The following KCNG3 variants were observed in gnomAD, a reference collection of about 807,000 sequenced individuals.
KCNG3 encodes the protein voltage-gated potassium channel regulatory subunit KCNG3.
Under a neutral mutation model 29.0 loss-of-function variants are expected in KCNG3, and 15 were observed. The observed-to-expected ratio is 0.52, with a 90% CI of 0.35 to 0.80. KCNG3 has a LOEUF of 0.80. KCNG3 is among the 30% of genes least tolerant of loss of function. KCNG3 has a pLI of 0.01. For synonymous variants in KCNG3, 322 were observed against 248.9 expected, an observed-to-expected ratio of 1.29 and a Z score of -2.76; for missense variants, 512 against 605.7, an observed-to-expected ratio of 0.85 and a Z score of 1.62.
chr2:42,429,273 A>T, the KCNG3 span, among the ~76,000 whole-genome samples: 1 of 151,998 alleles, frequency 6.6e-6, no homozygotes, highest in African/African-American at 2.4e-5. Flanking sequence ...GTAGATACCA[A>T]GGTAGATGCT....
At chr2:42,488,587 T>C (rs2103741149) in intron 1 of KCNG3, among the ~76,000 whole-genome samples, 1 of 151,454 alleles carries the variant, frequency 6.6e-6, no homozygotes, top group East Asian at 1.9e-4. Flanking sequence ...TCTCACTTTA[T>C]CGCCCAGGCT....
At chr2:42,435,804 T>C in the KCNG3 span, among the ~76,000 whole-genome samples, 4 of 152,190 alleles carry the variant, frequency 2.6e-5, no homozygotes, top group African/African-American at 4.8e-5. Context: ...GGGAATCAAA[T>C]TGCTCAGCTG....
chr2:42,456,604 C>A (rs1206085455), intron 1 of KCNG3, among the ~76,000 whole-genome samples: 1 of 152,160 alleles, frequency 6.6e-6, no homozygotes, highest in East Asian at 1.9e-4. Context: ...GAGTTCAGTT[C>A]AAGCCCAACT....
At chr2:42,476,100 C>T (rs1015153282) in intron 1 of KCNG3, among the ~76,000 whole-genome samples, 7 of 152,016 alleles carry the variant, frequency 4.6e-5, no homozygotes, top group African/African-American at 1.7e-4. Context: ...CATTAAAATT[C>T]TATTGAAACT....
At chr2:42,428,841 GAGTGT>G in the KCNG3 span, among the ~76,000 whole-genome samples, 127 of 152,290 alleles carry the variant, frequency 8.3e-4, no homozygotes, top group South Asian at 1.5e-3. Context: ...GCACGACGCT[GAGTGT>G]AGTGGCTTGT....
chr2:42,469,931 C>T (rs1315467616), intron 1 of KCNG3: 1 of 325,658 alleles, frequency 3.1e-6, no homozygotes, highest in African/African-American at 2.2e-5. Context: ...GATTTACAAA[C>T]TGGCCAACAA....
At chr2:42,429,398 T>A in the KCNG3 span, among the ~76,000 whole-genome samples, 2 of 152,358 alleles carry the variant, frequency 1.3e-5, no homozygotes, top group South Asian at 2.1e-4. Context: ...CCATGGCCTC[T>A]GCCCACAGAA....
At position 42,492,630 on chromosome 2, in the gene KCNG3, G is replaced by A. The variant is rs181231093; in HGVS notation, c.665+207C>T. On this transcript the variant is annotated intron_variant, in intron 1 of 1. Transcript: ENST00000306078. ...TTCGCCCTCAAGAGGTGCGTCTAGT[G>A]TAAGGGCCAGACCCCGCTGGTGCCC... 1.1e-4 allele frequency among the ~76,000 whole-genome samples: 17 copies of A among 152,354 alleles called. No individual in the cohort carries two copies. The East Asian group carries it at 2.5e-3, about 23-fold the overall frequency.
At chr2:42,410,179 T>G in the KCNG3 span, among the ~76,000 whole-genome samples, 1 of 152,322 alleles carries the variant, frequency 6.6e-6, no homozygotes, top group Admixed American at 6.5e-5. Flanking sequence ...CATTGTTGGA[T>G]GTCTCAGATG....
At chr2:42,433,408 G>A in the KCNG3 span, among the ~76,000 whole-genome samples, 62 of 152,102 alleles carry the variant, frequency 4.1e-4, 1 homozygote, top group South Asian at 0.01. Context: ...GGGCTGAGTC[G>A]GGGAAGATCT....
intron 1 of KCNG3, among the ~76,000 whole-genome samples, chr2:42,489,083 C>T (rs1280820824): frequency 2.0e-5 from 3 of 151,444 alleles, no homozygotes; most frequent in African/African-American, 7.3e-5. Flanking sequence ...TTGCTTGAAG[C>T]CAGGAGTTCA....
At chr2:42,405,940 G>A in the KCNG3 span, among the ~76,000 whole-genome samples, 1 of 150,810 alleles carries the variant, frequency 6.6e-6, no homozygotes, top group Non-Finnish European at 1.5e-5. Flanking sequence ...ACAGGGTTTC[G>A]TCATGTTGGC....
In KCNG3 at chr2:42,464,102, T is replaced by C. The variant is rs1215718290; in HGVS notation, c.666-19523A>G. The C allele has an allele frequency of 1.4e-5, 3 of 209,712 alleles. No homozygotes were observed. The South Asian group carries it at 2.0e-4, about 14-fold the overall frequency. The allele number at this position is 209,712 out of a possible 1,614,324, so 13.0% of individuals were successfully genotyped here. Reference sequence around the variant, plus strand: ...AATGACATTTTGAAAAGCGAGGTAGTTCATTCTGATATCATTATTTGCTAT... The same window carrying C: ...AATGACATTTTGAAAAGCGAGGTAGCTCATTCTGATATCATTATTTGCTAT... On this transcript the variant is annotated intron_variant, in intron 1 of 1. Coordinates refer to ENST00000306078, the MANE Select transcript of KCNG3 (RefSeq NM_133329.6).
chr2:42,493,140 G>C lies in KCNG3; in HGVS notation c.362C>G (p.Ser121Cys), dbSNP rs751461061. The change falls in exon 1 of 2, where the codon TCC becomes TGC. Residue 121 changes from serine (S) to cysteine (C), a missense_variant. Around this residue, in one of 5 missense-constraint regions of KCNG3, gnomAD observed 228 missense variants for 200.0 expected, o/e 1.14. Coordinates refer to ENST00000306078, the MANE Select transcript of KCNG3 (RefSeq NM_133329.6). ...GGCCGAGTAGAAGGTGTAGGTGTCG[G>C]ACATGCGGTCGTCGAGGCGGCGCTG... is the stretch of plus-strand genomic sequence containing the variant. ...CCQRRLDDRM[S>C]DTYTFYSADE... is the part of the protein sequence containing the mutation. 8 of 1,605,454 alleles carry C rather than the reference G, an allele frequency of 5.0e-6. No individual in the cohort carries two copies. The highest frequency in any genetic ancestry group is 6.8e-6 in the Non-Finnish European group (8 of 1,179,166).
At chr2:42,474,876 G>A (rs1459551639) in intron 1 of KCNG3, among the ~76,000 whole-genome samples, 1 of 152,056 alleles carries the variant, frequency 6.6e-6, no homozygotes, top group Non-Finnish European at 1.5e-5. Flanking sequence ...GAAAGCAATA[G>A]GTTTGGGAGG....
the KCNG3 span, among the ~76,000 whole-genome samples, chr2:42,397,643 G>T: frequency 6.6e-6 from 1 of 152,196 alleles, no homozygotes; most frequent in African/African-American, 2.4e-5. Flanking sequence ...GCCTTTGCAT[G>T]GGATACTGAC....
In KCNG3 at chr2:42,444,345, A is replaced by C; in HGVS notation, c.900T>G (p.Ile300Met). ...VLRMMRIFWVIKLARHFIGLQ... is the reference protein window; with the variant it reads ...VLRMMRIFWVMKLARHFIGLQ... ...GACCAATGAAGTGACGGGCAAGCTT[A>C]ATCACCCAAAAAATCCTCATCATTC... Residue 300 changes from isoleucine to methionine, a missense_variant, in exon 2 of 2, where the codon ATT (isoleucine) becomes ATG (methionine). By Grantham distance (10) the Ile-to-Met change is conservative. This residue lies in a region of KCNG3 where 173 missense variants were observed against 262.4 expected (regional missense o/e 0.66). Transcript: ENST00000306078. This position sits in a 1 kb window ranked among gnomAD's most constrained non-coding sequence, Gnocchi z 5.8. 6.2e-7 allele frequency: 1 copy of C among 1,614,186 alleles called. No homozygotes were observed. Among genetic ancestry groups the C allele is most frequent in the Non-Finnish European group, 8.5e-7 (1 of 1,180,026 alleles).
chr2:42,434,755 G>A, the KCNG3 span, among the ~76,000 whole-genome samples: 1 of 149,652 alleles, frequency 6.7e-6, no homozygotes, highest in South Asian at 2.1e-4. Flanking sequence ...CTTTTGTTCT[G>A]GCATAAAAAT....
chr2:42,439,033 G>C (rs1414219678), downstream of KCNG3, among the ~76,000 whole-genome samples: 1 of 152,044 alleles, frequency 6.6e-6, no homozygotes, highest in Non-Finnish European at 1.5e-5. Flanking sequence ...TCTCAGCCTG[G>C]TTCTGAGAAT....
Sources: gnomAD v4.1 joint callset for allele counts (sites outside exome capture counted in the v4.1 genomes callset) on GRCh38, gnomAD v4.1.1 for gene constraint, gnomAD v4.1.1 regional missense constraint, Gnocchi (gnomAD v3.1) non-coding constraint, MANE v1.5 for transcripts, NCBI Gene and HGNC (gene_info 2026-07-23, HGNC 2026-07-21) for gene names.